EMB: variants seen among roughly 807,000 people sequenced by gnomAD.
EMB encodes embigin homolog.
A neutral mutation model predicts 41.4 loss-of-function variants in EMB; 31 were observed. That is an observed-to-expected ratio of 0.75 (90% CI 0.56 to 1.01). The LOEUF (loss-of-function observed/expected upper bound fraction) is 1.01, where lower values mean the gene tolerates loss of function less well. Among genes scored for constraint, EMB ranks in the 50% least tolerant of loss-of-function variants. The pLI, the probability that EMB is intolerant of heterozygous loss-of-function variation, is 0.00. For synonymous variants in EMB, 137 were observed against 140.4 expected (o/e 0.98, Z 0.17); for missense variants, 379 against 388.3 (o/e 0.98, Z 0.20).
chr5:50,400,264 G>T (rs1228402932), intron 7 of EMB, among the ~76,000 whole-genome samples: 3 of 151,930 alleles, frequency 2.0e-5, no homozygotes, highest in Non-Finnish European at 4.4e-5. Context: ...TGTGATATTG[G>T]TGCTATACAT....
intron 1 of EMB, among the ~76,000 whole-genome samples, chr5:50,432,201 TTCTC>T (rs1485452456): frequency 1.3e-5 from 2 of 152,148 alleles, no homozygotes; most frequent in African/African-American, 4.8e-5. Context: ...AGAATAAACA[TTCTC>T]TCTAAAGCCC....
chr5:50,401,334 A>G (rs1250245753), intron 7 of EMB, among the ~76,000 whole-genome samples: 1 of 152,010 alleles, frequency 6.6e-6, no homozygotes, highest in Non-Finnish European at 1.5e-5. Context: ...CATCTAAATG[A>G]CAACTGTCTG....
intron 2 of EMB, among the ~76,000 whole-genome samples, chr5:50,420,286 A>T (rs1745496917): frequency 6.6e-6 from 1 of 152,228 alleles, no homozygotes; most frequent in East Asian, 1.9e-4. Context: ...ACCTAATGTA[A>T]ACTGAAAGCA....
chr5:50,434,900 T>C (rs1360729584), intron 1 of EMB, among the ~76,000 whole-genome samples: 1 of 152,240 alleles, frequency 6.6e-6, no homozygotes. Flanking sequence ...TGTCATAAGT[T>C]ATTAATTTCT....
chr5:50,431,975 G>C (rs570839765), intron 1 of EMB, among the ~76,000 whole-genome samples: 1 of 152,216 alleles, frequency 6.6e-6, no homozygotes, highest in African/African-American at 2.4e-5. Context: ...GTTGCTAGAA[G>C]GGCATATAAT....
At chr5:50,421,892 T>C (rs1359974337) in intron 2 of EMB, among the ~76,000 whole-genome samples, 2 of 102,518 alleles carry the variant, frequency 2.0e-5, no homozygotes, top group African/African-American at 3.9e-5. Flanking sequence ...CCGGGGCCCG[T>C]TGTGGGGTGG....
intron 8 of EMB, 101 bp downstream of exon 8, chr5:50,399,758 C>T (rs1745129723): frequency 3.4e-6 from 3 of 870,840 alleles, no homozygotes; most frequent in Admixed American, 2.3e-5. Context: ...TCATAAATGA[C>T]CAGATCTTTT....
At chr5:50,439,751 T>C (rs1405934903) in intron 1 of EMB, among the ~76,000 whole-genome samples, 2 of 152,218 alleles carry the variant, frequency 1.3e-5, no homozygotes, top group Non-Finnish European at 2.9e-5. Context: ...TACCTTTTGA[T>C]TATCCTTCCT....
At chr5:50,428,854 C>T (rs1047155729) in intron 1 of EMB, 4 of 333,130 alleles carry the variant, frequency 1.2e-5, no homozygotes, top group Non-Finnish European at 1.7e-5. Context: ...CTCTCTCACT[C>T]TCTTCGAAGT....
At chr5:50,431,061 T>C (rs1235431354) in intron 1 of EMB, among the ~76,000 whole-genome samples, 5 of 152,294 alleles carry the variant, frequency 3.3e-5, no homozygotes, top group African/African-American at 9.6e-5. Flanking sequence ...ATATTAAAAA[T>C]ACAATCAGAC....
chr5:50,441,026 T>C lies in EMB; in HGVS notation c.112+14A>G. 1 of 1,473,290 alleles carries C rather than the reference T, an allele frequency of 6.8e-7. No individual in the cohort carries two copies. Among genetic ancestry groups the C allele is most frequent in the Non-Finnish European group, 9.0e-7 (1 of 1,107,938 alleles). The allele number at this position is 1,473,290 out of a possible 1,614,324, so 91.3% of individuals were successfully genotyped here. A position where few individuals can be genotyped will look rare whatever the true frequency, so the allele number is the denominator to read the frequency against. On this transcript the variant is annotated intron_variant, in intron 1 of 8. Coordinates refer to ENST00000303221, the MANE Select transcript of EMB (RefSeq NM_198449.3). ...CCTCCGCCCTCCCTACCCTGGACCC[T>C]GTACCCATCACACCTGGGGCACTGC...
intron 5 of EMB, among the ~76,000 whole-genome samples, chr5:50,404,900 C>A (rs1353395198): frequency 6.6e-6 from 1 of 151,906 alleles, no homozygotes; most frequent in Non-Finnish European, 1.5e-5. Context: ...TCTATAATAA[C>A]ACCAATTTTG....
rs1054241251 is a variant in EMB, at chr5:50,437,932, T to A, written c.112+3108A>T. ...ATATTTAAATACTCCCACTGATATATCCTTTACAAAGATATATTATATGTC... is the reference window on the plus strand; with the variant it reads ...ATATTTAAATACTCCCACTGATATAACCTTTACAAAGATATATTATATGTC... On this transcript the variant is annotated intron_variant, in intron 1 of 8. Transcript: ENST00000303221. 9.9e-5 allele frequency among the ~76,000 whole-genome samples: 15 copies of A among 152,208 alleles called. 1 individual carries two copies. The highest frequency in any genetic ancestry group is 3.6e-4 in the African/African-American group (15 of 41,446).
At chr5:50,442,351 T>G (rs1745928768), upstream of EMB, among the ~76,000 whole-genome samples, 1 of 152,212 alleles carries the variant, frequency 6.6e-6, no homozygotes, top group African/African-American at 2.4e-5. Context: ...TAGTATTATA[T>G]GCACAAAACT....
chr5:50,435,435 TTC>T (rs1310447732), intron 1 of EMB, among the ~76,000 whole-genome samples: 1 of 152,208 alleles, frequency 6.6e-6, no homozygotes, highest in Non-Finnish European at 1.5e-5. Flanking sequence ...TGGCTATCAC[TTC>T]TCTCTAATGT....
intron 7 of EMB, 97 bp downstream of exon 7, chr5:50,402,189 C>G: frequency 7.7e-7 from 1 of 1,297,592 alleles, no homozygotes; most frequent in Non-Finnish European, 1.1e-6. Flanking sequence ...AAATACTCCT[C>G]TGCCTTTTCT....
At chr5:50,419,348 T>C (rs956067542) in intron 2 of EMB, among the ~76,000 whole-genome samples, 3 of 152,222 alleles carry the variant, frequency 2.0e-5, no homozygotes, top group Admixed American at 6.5e-5. Context: ...TGAACCATTT[T>C]GCACATATCC....
chr5:50,415,762 A>G (rs1745419031), intron 2 of EMB, among the ~76,000 whole-genome samples: 1 of 152,212 alleles, frequency 6.6e-6, no homozygotes, highest in Admixed American at 6.6e-5. Context: ...TCTCAAACAT[A>G]TTAAATTCTC....
intron 2 of EMB, among the ~76,000 whole-genome samples, chr5:50,422,765 A>C (rs955668384): frequency 2.6e-5 from 4 of 152,214 alleles, no homozygotes; most frequent in African/African-American, 9.6e-5. Context: ...AAAAAGTAAA[A>C]ATTCAGTATC....
Sources: allele counts gnomAD v4.1 joint callset (sites outside exome capture counted in the v4.1 genomes callset), GRCh38; gene constraint gnomAD v4.1.1; transcripts MANE v1.5; gene names NCBI Gene and HGNC (gene_info 2026-07-23, HGNC 2026-07-21).